The following PLA2G4C variants were observed in gnomAD, a reference collection of about 807,000 sequenced individuals.
PLA2G4C encodes the protein cytosolic phospholipase A2 gamma.
Under a neutral mutation model 73.8 loss-of-function variants are expected in PLA2G4C, and 64 were observed. That is an observed-to-expected ratio of 0.87 (90% CI 0.71 to 1.07). The LOEUF (loss-of-function observed/expected upper bound fraction) is 1.07. PLA2G4C is among the 50% of genes least tolerant of loss of function. The pLI, the probability that PLA2G4C is intolerant of heterozygous loss-of-function variation, is 0.00. For missense variants in PLA2G4C, 622 were observed against 665.4 expected (o/e 0.93, Z 0.72); for synonymous variants, 254 against 252.1 (o/e 1.01, Z -0.07).
intron 10 of PLA2G4C, among the ~76,000 whole-genome samples, chr19:48,080,456 C>T (rs940724347): frequency 6.6e-6 from 1 of 152,118 alleles, no homozygotes; most frequent in African/African-American, 2.4e-5. Flanking sequence ...ATCTACCGTT[C>T]GATCCAGCAA....
intron 7 of PLA2G4C, among the ~76,000 whole-genome samples, chr19:48,091,883 C>CAAAAAAA (rs35118449): frequency 6.2e-4 from 13 of 21,104 alleles, no homozygotes; most frequent in African/African-American, 1.9e-3. Context: ...GACTCCATCT[C>CAAAAAAA]AAAAAAAAAA....
At chr19:48,104,323 C>T (rs780150879) in intron 4 of PLA2G4C, 6 of 380,174 alleles carry the variant, frequency 1.6e-5, no homozygotes, top group East Asian at 1.1e-4. Flanking sequence ...TATTGCCAGT[C>T]GGTCAGAAGC....
chr19:48,094,129 C>A (rs2031452677), intron 7 of PLA2G4C, among the ~76,000 whole-genome samples: 1 of 152,120 alleles, frequency 6.6e-6, no homozygotes, highest in Non-Finnish European at 1.5e-5. Flanking sequence ...TGATGCTTTT[C>A]CTCTAAGATA....
At chr19:48,079,015 C>T (rs1256479030) in intron 10 of PLA2G4C, among the ~76,000 whole-genome samples, 3 of 152,194 alleles carry the variant, frequency 2.0e-5, no homozygotes, top group African/African-American at 7.2e-5. Context: ...ATTACAGGCG[C>T]ATGCACCATG....
At chr19:48,068,739 A>G (rs1231680845) in intron 12 of PLA2G4C, among the ~76,000 whole-genome samples, 8 of 151,384 alleles carry the variant, frequency 5.3e-5, no homozygotes, top group Non-Finnish European at 1.0e-4. Context: ...TCTAAAAAAA[A>G]AAAAAAAAGA....
chr19:48,062,191 G>T, intron 13 of PLA2G4C, 39 bp from the exon 14 acceptor site: 1 of 1,505,138 alleles, frequency 6.6e-7, no homozygotes, highest in South Asian at 1.3e-5. Flanking sequence ...GCTGCTTCTG[G>T]GGACTGAAAG....
intron 10 of PLA2G4C, among the ~76,000 whole-genome samples, chr19:48,078,601 T>A (rs1262159000): frequency 1.3e-5 from 2 of 152,052 alleles, no homozygotes; most frequent in Non-Finnish European, 2.9e-5. Flanking sequence ...AATCAAGAAC[T>A]CAACCCCTTT....
chr19:48,106,771 C>G, intron 1 of PLA2G4C: 1 of 561,886 alleles, frequency 1.8e-6, no homozygotes, highest in Non-Finnish European at 3.2e-6. Context: ...ATATTTCAAG[C>G]GCGTCTCTCT....
intron 3 of PLA2G4C, 146 bp from the exon 4 acceptor site, chr19:48,104,870 G>A (rs1600262636): frequency 1.4e-6 from 1 of 717,546 alleles, no homozygotes. Flanking sequence ...ATCACTTGAG[G>A]TCAGGAGTTC....
intron 10 of PLA2G4C, among the ~76,000 whole-genome samples, chr19:48,079,474 G>A (rs535722704): frequency 3.3e-4 from 50 of 152,250 alleles, no homozygotes; most frequent in African/African-American, 1.2e-3. Flanking sequence ...GCCACATGTA[G>A]GAGAATGAAA....
At chr19:48,096,278 G>A (rs938942992) in intron 6 of PLA2G4C, among the ~76,000 whole-genome samples, 66 of 152,096 alleles carry the variant, frequency 4.3e-4, no homozygotes, top group African/African-American at 9.7e-5. Flanking sequence ...GATCCACACC[G>A]AGGAGAGAGA....
At chr19:48,088,657 A>G in intron 9 of PLA2G4C, 29 bp downstream of exon 9, 1 of 1,554,968 alleles carries the variant, frequency 6.4e-7, no homozygotes, top group Non-Finnish European at 8.9e-7. Flanking sequence ...CATTATCATC[A>G]GGGATTCATG....
At chr19:48,054,209 C>A (rs1967839110) in intron 15 of PLA2G4C, among the ~76,000 whole-genome samples, 1 of 152,134 alleles carries the variant, frequency 6.6e-6, no homozygotes, top group Non-Finnish European at 1.5e-5. Context: ...TTCCCATAAT[C>A]CCCAAGTGTC....
At chr19:48,083,766 A>G (rs2030799289) in intron 10 of PLA2G4C, among the ~76,000 whole-genome samples, 1 of 151,260 alleles carries the variant, frequency 6.6e-6, no homozygotes, top group Non-Finnish European at 1.5e-5. Context: ...TTTATTTTTT[A>G]ATTTTTTTCA....
intron 10 of PLA2G4C, among the ~76,000 whole-genome samples, chr19:48,080,009 C>T (rs1241582806): frequency 3.9e-5 from 6 of 152,078 alleles, no homozygotes; most frequent in Non-Finnish European, 8.8e-5. Context: ...AGCTTCTGTA[C>T]AGCAAAGGAA....
chr19:48,062,566 C>T (rs946157815), intron 13 of PLA2G4C, among the ~76,000 whole-genome samples: 8 of 152,104 alleles, frequency 5.3e-5, no homozygotes, highest in African/African-American at 9.7e-5. Context: ...GCTGAGATCG[C>T]GCCACTGCAC....
intron 7 of PLA2G4C, chr19:48,090,649 C>G: frequency 1.9e-6 from 1 of 522,806 alleles, no homozygotes. Context: ...CCTCACGAAC[C>G]TTCTATGGGT....
intron 10 of PLA2G4C, among the ~76,000 whole-genome samples, chr19:48,081,162 C>CAA (rs35474088): frequency 7.8e-4 from 104 of 132,696 alleles, no homozygotes; most frequent in African/African-American, 2.1e-3. Context: ...GAGACTGTCT[C>CAA]AAAAAAAAAA....
At chr19:48,079,944 G>C (rs2030433073) in intron 10 of PLA2G4C, among the ~76,000 whole-genome samples, 1 of 152,216 alleles carries the variant, frequency 6.6e-6, no homozygotes, top group Admixed American at 6.5e-5. Context: ...CTGGGTGATG[G>C]AGTGAGACTC....
Sources: allele counts gnomAD v4.1 joint callset (sites outside exome capture counted in the v4.1 genomes callset), GRCh38; gene constraint gnomAD v4.1.1; transcripts MANE v1.5; gene names NCBI Gene and HGNC (gene_info 2026-07-23, HGNC 2026-07-21).